JARID2: variants seen among roughly 807,000 people sequenced by gnomAD.
The protein encoded by JARID2 is jumonji and AT-rich interaction domain containing 2.
JARID2 carries 21 observed loss-of-function variants against 125.6 expected under a neutral mutation model. That is an observed-to-expected ratio of 0.17 (90% CI 0.12 to 0.24). The LOEUF (loss-of-function observed/expected upper bound fraction) is 0.24, where lower values mean the gene tolerates loss of function less well. Among genes scored for constraint, JARID2 ranks in the 10% least tolerant of loss-of-function variants. The pLI is 1.00. For missense variants in JARID2, 1,303 were observed against 1,639.6 expected (o/e 0.79, Z 3.55); for synonymous variants, 736 against 661.6 (o/e 1.11, Z -1.73).
intron 5 of JARID2, among the ~76,000 whole-genome samples, chr6:15,480,605 A>G (rs1490811441): frequency 1.3e-5 from 2 of 152,250 alleles, no homozygotes; most frequent in African/African-American, 2.4e-5. Context: ...TATATTTTTC[A>G]CATGTGGATC....
At chr6:15,299,288 A>G (rs889828000) in intron 1 of JARID2, among the ~76,000 whole-genome samples, 2 of 152,210 alleles carry the variant, frequency 1.3e-5, no homozygotes, top group African/African-American at 4.8e-5. Flanking sequence ...GGATGAGGGC[A>G]TCAGTAGGTA....
chr6:15,404,151 T>C (rs1054171479), intron 2 of JARID2, among the ~76,000 whole-genome samples: 1 of 152,194 alleles, frequency 6.6e-6, no homozygotes, highest in African/African-American at 2.4e-5. Context: ...AGTGTGTTGA[T>C]CTGGTGAGCA....
intron 1 of JARID2, among the ~76,000 whole-genome samples, chr6:15,325,009 G>T (rs1762491072): frequency 6.6e-6 from 1 of 152,044 alleles, no homozygotes; most frequent in Non-Finnish European, 1.5e-5. Context: ...GATGCTTTTA[G>T]AGTTTTTCTG....
chr6:15,259,359 G>A (rs535325698), intron 1 of JARID2, among the ~76,000 whole-genome samples: 1 of 152,298 alleles, frequency 6.6e-6, no homozygotes, highest in East Asian at 1.9e-4. Flanking sequence ...AAGAGCTGAT[G>A]TGAATAGAAG....
intron 16 of JARID2, among the ~76,000 whole-genome samples, chr6:15,515,751 TAAAAA>T (rs57890964): frequency 6.8e-6 from 1 of 146,036 alleles, no homozygotes; most frequent in Non-Finnish European, 1.5e-5. Flanking sequence ...CCTGTCTCTT[TAAAAA>T]AAAAAAACAA....
At chr6:15,346,724 A>G (rs1359548569) in intron 1 of JARID2, among the ~76,000 whole-genome samples, 1 of 147,738 alleles carries the variant, frequency 6.8e-6, no homozygotes. Flanking sequence ...AGTTATTCCT[A>G]TTGAAGTAAT....
intron 2 of JARID2, among the ~76,000 whole-genome samples, chr6:15,401,681 C>T (rs1278628035): frequency 6.6e-6 from 1 of 152,104 alleles, no homozygotes; most frequent in Non-Finnish European, 1.5e-5. Context: ...GATTCTTCTC[C>T]CGAATTTCGT....
chr6:15,424,345 C>T (rs560625684), intron 3 of JARID2, among the ~76,000 whole-genome samples: 1 of 152,254 alleles, frequency 6.6e-6, no homozygotes, highest in East Asian at 1.9e-4. Flanking sequence ...GGAGTTCTCC[C>T]TCCACAATCC....
At chr6:15,302,160 A>T (rs754700555) in intron 1 of JARID2, among the ~76,000 whole-genome samples, 1 of 152,172 alleles carries the variant, frequency 6.6e-6, no homozygotes, top group Non-Finnish European at 1.5e-5. Flanking sequence ...TCATGCCTGT[A>T]ATCCCAGCAC....
intron 6 of JARID2, among the ~76,000 whole-genome samples, chr6:15,489,519 T>C (rs1052269570): frequency 6.6e-6 from 1 of 152,248 alleles, no homozygotes; most frequent in African/African-American, 2.4e-5. Context: ...CACTTGGCCT[T>C]CATTCAGTTC....
chr6:15,492,013 A>G (rs919555719), intron 6 of JARID2, among the ~76,000 whole-genome samples: 27 of 152,258 alleles, frequency 1.8e-4, no homozygotes, highest in African/African-American at 6.3e-4. Flanking sequence ...AATGCTCTCA[A>G]CCTTGCCTGT....
chr6:15,313,712 T>A (rs1338756138), intron 1 of JARID2, among the ~76,000 whole-genome samples: 1 of 152,206 alleles, frequency 6.6e-6, no homozygotes, highest in Non-Finnish European at 1.5e-5. Flanking sequence ...GTGGAAACAC[T>A]CTCTGGCTGA....
At chr6:15,423,144 A>G (rs553072081) in intron 3 of JARID2, among the ~76,000 whole-genome samples, 1 of 152,180 alleles carries the variant, frequency 6.6e-6, no homozygotes, top group Admixed American at 6.5e-5. Context: ...GACTACAGGT[A>G]TGTGCCACCA....
At chr6:15,482,021 CAA>C (rs1213229025) in intron 5 of JARID2, among the ~76,000 whole-genome samples, 6 of 152,270 alleles carry the variant, frequency 3.9e-5, no homozygotes, top group South Asian at 4.1e-4. Flanking sequence ...AAAATACAAT[CAA>C]AGAGTTGTGC....
intron 3 of JARID2, among the ~76,000 whole-genome samples, chr6:15,451,796 T>C (rs1443570348): frequency 6.6e-6 from 1 of 152,210 alleles, no homozygotes; most frequent in Non-Finnish European, 1.5e-5. Context: ...TATATCCATG[T>C]ACAAAACATA....
chr6:15,361,892 CTTTTTTTTTT>C (rs58352410), intron 1 of JARID2, among the ~76,000 whole-genome samples: 2 of 121,176 alleles, frequency 1.7e-5, no homozygotes, highest in East Asian at 2.6e-4. Context: ...TGGGAGCCCC[CTTTTTTTTTT>C]TTTTTTTTTT....
chr6:15,425,447 C>T (rs760070475), intron 3 of JARID2, among the ~76,000 whole-genome samples: 1 of 152,096 alleles, frequency 6.6e-6, no homozygotes, highest in Non-Finnish European at 1.5e-5. Flanking sequence ...TATGAATGTG[C>T]CCCCCAAATT....
chr6:15,465,993 G>A (rs1281842485), intron 4 of JARID2, among the ~76,000 whole-genome samples: 2 of 151,992 alleles, frequency 1.3e-5, no homozygotes, highest in African/African-American at 2.4e-5. Flanking sequence ...TAGTAGAGAC[G>A]GGGTTTCACC....
intron 1 of JARID2, among the ~76,000 whole-genome samples, chr6:15,326,329 C>T (rs1437022205): frequency 6.6e-6 from 1 of 152,164 alleles, no homozygotes; most frequent in Non-Finnish European, 1.5e-5. Flanking sequence ...CCTCAGCCTT[C>T]TCACTAGCTA....
Sources: allele counts gnomAD v4.1 joint callset (sites outside exome capture counted in the v4.1 genomes callset), GRCh38; gene constraint gnomAD v4.1.1; transcripts MANE v1.5; gene names NCBI Gene and HGNC (gene_info 2026-07-23, HGNC 2026-07-21).